CEP112: variants seen among roughly 807,000 people sequenced by gnomAD.
CEP112 encodes centrosomal protein 112, also known as centrosomal protein of 112 kDa.
A neutral mutation model predicts 153.0 loss-of-function variants in CEP112; 127 were observed. That is an observed-to-expected ratio of 0.83 (90% confidence interval 0.72 to 0.96). The LOEUF (loss-of-function observed/expected upper bound fraction) is 0.96, where lower values mean the gene tolerates loss of function less well. Ranked by LOEUF, CEP112 falls within the 40% of genes least tolerant of loss-of-function variation. The pLI, the probability that CEP112 is intolerant of heterozygous loss-of-function variation, is 0.00. For missense variants in CEP112, 1,089 were observed against 1,101.2 expected (o/e 0.99, Z 0.16); for synonymous variants, 358 against 374.4 (o/e 0.96, Z 0.51).
chr17:66,077,457 G>C (rs2067545311), intron 8 of CEP112, among the ~76,000 whole-genome samples: 1 of 152,082 alleles, frequency 6.6e-6, no homozygotes, highest in Non-Finnish European at 1.5e-5. Flanking sequence ...AAAGAAGAAA[G>C]AAACTCAGAG....
intron 21 of CEP112, among the ~76,000 whole-genome samples, chr17:65,786,830 C>A (rs1212471876): frequency 1.3e-5 from 2 of 152,140 alleles, no homozygotes; most frequent in Non-Finnish European, 2.9e-5. Flanking sequence ...AAGTGATCCG[C>A]CTGCCTTCGT....
intron 17 of CEP112, among the ~76,000 whole-genome samples, chr17:65,969,635 A>G (rs1394992137): frequency 3.3e-5 from 5 of 152,250 alleles, no homozygotes; most frequent in African/African-American, 4.8e-5. Flanking sequence ...CTGCACACAT[A>G]TTGCAAGCAT....
chr17:66,092,356 A>ACACACACACACACACACAC (rs1555794869), intron 8 of CEP112, among the ~76,000 whole-genome samples: 1 of 135,064 alleles, frequency 7.4e-6, no homozygotes, highest in African/African-American at 2.9e-5. Context: ...CATTAATTTA[A>ACACACACACACACACACAC]ACACACACAC....
At chr17:65,700,096 C>T (rs1030942100) in intron 23 of CEP112, among the ~76,000 whole-genome samples, 1 of 149,870 alleles carries the variant, frequency 6.7e-6, no homozygotes, top group African/African-American at 2.4e-5. Flanking sequence ...TGCTCCTCCT[C>T]CTCTTCCTCC....
chr17:65,654,987 A>G, intron 24 of CEP112: 1 of 691,894 alleles, frequency 1.4e-6, no homozygotes, highest in Non-Finnish European at 2.6e-6. Context: ...GGCAAAGGGA[A>G]CCTGATAGAA....
intron 6 of CEP112, among the ~76,000 whole-genome samples, chr17:66,112,309 A>T (rs189887150): frequency 1.6e-4 from 25 of 152,092 alleles, no homozygotes; most frequent in Admixed American, 1.2e-3. Flanking sequence ...TAAAAAAATT[A>T]AAAAAACAAT....
At position 66,125,827 on chromosome 17, in the gene CEP112, T is replaced by C. The variant is rs578107544; in HGVS notation, c.642+3919A>G. 2.6e-5 allele frequency among the ~76,000 whole-genome samples: 4 copies of C among 152,176 alleles called. No individual in the cohort carries two copies. The East Asian group carries it at 7.7e-4, about 29-fold the overall frequency. Reference sequence around the variant, plus strand: ...ACTACAAATCTCTGTGTAATTAGAATTGCAAAGAAAATATTATCAATTCAA... The same window carrying C: ...ACTACAAATCTCTGTGTAATTAGAACTGCAAAGAAAATATTATCAATTCAA... On this transcript the variant is annotated intron_variant, in intron 6 of 26. Coordinates refer to ENST00000535342, the MANE Select transcript of CEP112 (RefSeq NM_001199165.4).
intron 24 of CEP112, among the ~76,000 whole-genome samples, chr17:65,662,300 T>C (rs11079578): frequency 0.35 from 53,432 of 152,120 alleles, 9,579 homozygotes; most frequent in Middle Eastern, 0.51. Context: ...CTGACTTAGA[T>C]AAAACCAGTG....
chr17:65,789,625 A>ATT (rs920419537), intron 21 of CEP112, among the ~76,000 whole-genome samples: 5 of 143,712 alleles, frequency 3.5e-5, no homozygotes, highest in African/African-American at 1.3e-4. Flanking sequence ...TTTTTGTCCC[A>ATT]TTTTTTTTTT....
intron 21 of CEP112, among the ~76,000 whole-genome samples, chr17:65,841,562 G>T (rs1372350987): frequency 6.6e-6 from 1 of 151,972 alleles, no homozygotes; most frequent in Non-Finnish European, 1.5e-5. Flanking sequence ...TAAACGTAAG[G>T]AAGAAGTTCT....
At chr17:65,835,846 A>C (rs1441385120) in intron 21 of CEP112, among the ~76,000 whole-genome samples, 3 of 152,240 alleles carry the variant, frequency 2.0e-5, no homozygotes. Context: ...GAATGGAAGC[A>C]CTTAAACCAC....
rs779784905 is a variant in CEP112 at position 65,959,334 on chromosome 17, C to T, written c.1872+2129G>A. Among the ~76,000 whole-genome samples the T allele has an allele frequency of 4.3e-4, 65 of 152,328 alleles. 1 individual carries two copies. The highest frequency in any genetic ancestry group is 3.0e-3 in the Admixed American group (46 of 15,304). ...ACACCCTGGCTGCAGAAAGGAGCTA[C>T]CCACTATGTGTCTCTGAGCTGTTCT... is the stretch of plus-strand genomic sequence containing the variant. On this transcript the variant is annotated intron_variant, in intron 18 of 26. Coordinates refer to ENST00000535342, the MANE Select transcript of CEP112 (RefSeq NM_001199165.4).
chr17:65,810,093 T>C (rs2055855028), intron 21 of CEP112, among the ~76,000 whole-genome samples: 1 of 152,212 alleles, frequency 6.6e-6, no homozygotes, highest in Non-Finnish European at 1.5e-5. Context: ...TTCAACATAT[T>C]GAAGTGGCGA....
chr17:65,745,057 C>A (rs1029642232), intron 22 of CEP112, among the ~76,000 whole-genome samples: 11 of 152,054 alleles, frequency 7.2e-5, no homozygotes, highest in African/African-American at 2.7e-4. Context: ...CTGGAGTCCC[C>A]CAGAGGCCAA....
At chr17:66,065,349 G>C (rs1276603346) in intron 10 of CEP112, among the ~76,000 whole-genome samples, 1 of 152,088 alleles carries the variant, frequency 6.6e-6, no homozygotes, top group Non-Finnish European at 1.5e-5. Flanking sequence ...ACTGGTAACA[G>C]AGCTGGAATT....
intron 24 of CEP112, among the ~76,000 whole-genome samples, chr17:65,657,514 A>G (rs767859216): frequency 6.6e-6 from 1 of 152,174 alleles, no homozygotes; most frequent in Non-Finnish European, 1.5e-5. Context: ...CACCTTCTCT[A>G]TGTTGCAAGG....
At chr17:65,907,529 C>T (rs1390282466) in intron 19 of CEP112, among the ~76,000 whole-genome samples, 2 of 152,088 alleles carry the variant, frequency 1.3e-5, no homozygotes, top group African/African-American at 4.8e-5. Flanking sequence ...TGCAATAGCT[C>T]AGGCTTGTCT....
At chr17:66,110,832 T>C (rs1159845577) in intron 6 of CEP112, among the ~76,000 whole-genome samples, 3 of 152,030 alleles carry the variant, frequency 2.0e-5, no homozygotes, top group Admixed American at 6.6e-5. Flanking sequence ...CCAAAAGCAA[T>C]TGCAACAAAA....
At chr17:66,003,185 G>A (rs921368717) in intron 17 of CEP112, among the ~76,000 whole-genome samples, 1 of 152,186 alleles carries the variant, frequency 6.6e-6, no homozygotes, top group Non-Finnish European at 1.5e-5. Context: ...CTATATGGAA[G>A]ATGGATAAAT....
Sources: allele counts gnomAD v4.1 joint callset (sites outside exome capture counted in the v4.1 genomes callset), GRCh38; gene constraint gnomAD v4.1.1; transcripts MANE v1.5; gene names NCBI Gene and HGNC (gene_info 2026-07-23, HGNC 2026-07-21).